The following MYO1H variants were observed in gnomAD, a reference collection of about 807,000 sequenced individuals.
MYO1H encodes unconventional myosin-Ih.
Under a neutral mutation model 149.3 loss-of-function variants are expected in MYO1H, and 118 were observed. The ratio of observed to expected loss-of-function variants is 0.79; its 90% CI spans 0.68 to 0.92. The LOEUF (loss-of-function observed/expected upper bound fraction) is 0.92, where lower values mean the gene tolerates loss of function less well. MYO1H is among the 40% of genes least tolerant of loss of function. The pLI, the probability that MYO1H is intolerant of heterozygous loss-of-function variation, is 0.00. For synonymous variants in MYO1H, 447 were observed against 465.2 expected, an observed-to-expected ratio of 0.96 and a Z score of 0.50; for missense variants, 1,212 against 1,280.7, an observed-to-expected ratio of 0.95 and a Z score of 0.82.
At chr12:109,328,155 TGC>T in the MYO1H span, among the ~76,000 whole-genome samples, 61 of 148,916 alleles carry the variant, frequency 4.1e-4, no homozygotes, top group African/African-American at 1.4e-3. Flanking sequence ...TATATATATA[TGC>T]GTGTGTGTGT....
At chr12:109,318,530 G>A in the MYO1H span, among the ~76,000 whole-genome samples, 2 of 152,146 alleles carry the variant, frequency 1.3e-5, no homozygotes, top group Admixed American at 6.6e-5. Context: ...TGGCTCTCAT[G>A]CTTCCCCAAT....
chr12:109,421,000 T>C (rs1430350148), exon 16 of MYO1H: 3 of 1,588,442 alleles, frequency 1.9e-6, no homozygotes, highest in East Asian at 4.5e-5. Context: ...AAAAAAACAA[T>C]GATCTTCTTT....
At position 109,393,452 on chromosome 12, in the gene MYO1H, T is replaced by C. The variant is rs757426534; in HGVS notation, c.290+6T>C. On this transcript the variant is annotated splice_donor_region_variant and intron_variant, in intron 3 of 31. Coordinates refer to ENST00000310903, the Ensembl canonical transcript of MYO1H. ...TTTGAACTGCCACCACATGTGTAAG[T>C]AGCATCCACAGGATCATCACTAGGA... 5 of 1,549,634 alleles carry C rather than the reference T, an allele frequency of 3.2e-6. No homozygotes were observed. The highest frequency in any genetic ancestry group is 4.4e-6 in the Non-Finnish European group (5 of 1,137,310).
chr12:109,362,595 G>A (rs1221408961), intron 1 of MYO1H, among the ~76,000 whole-genome samples: 1 of 152,238 alleles, frequency 6.6e-6, no homozygotes, highest in Non-Finnish European at 1.5e-5. Flanking sequence ...GGACAGTCAT[G>A]CAGAAGTAGG....
intron 1 of MYO1H, among the ~76,000 whole-genome samples, chr12:109,371,213 C>CTTTTTTTTTTTTT (rs34350111): frequency 4.1e-4 from 49 of 118,284 alleles, no homozygotes; most frequent in Non-Finnish European, 5.3e-4. Flanking sequence ...TTTTTTCTTT[C>CTTTTTTTTTTTTT]TTTTTTTTTT....
At chr12:109,321,030 G>A in the MYO1H span, among the ~76,000 whole-genome samples, 12,528 of 152,024 alleles carry the variant, frequency 0.082, 660 homozygotes, top group African/African-American at 0.14. Context: ...AGAGGTTGCA[G>A]TGAGCCAAGA....
At chr12:109,423,351 G>A (rs7966238) in intron 16 of MYO1H, among the ~76,000 whole-genome samples, 17,131 of 151,936 alleles carry the variant, frequency 0.11, 1,479 homozygotes, top group African/African-American at 0.23. Context: ...TAGTAGAGAC[G>A]GTGTTTCACC....
In MYO1H at chr12:109,447,147, ACT is replaced by A. The variant is rs1180275056; in HGVS notation, c.3094-6_3094-5del. 1.9e-6 allele frequency: 3 copies of A among 1,595,750 alleles called. No homozygotes were observed. Among genetic ancestry groups the A allele is most frequent in the African/African-American group, 1.3e-5 (1 of 74,518 alleles). On this transcript the variant is annotated splice_polypyrimidine_tract_variant and intron_variant, in intron 31 of 31. Coordinates refer to ENST00000310903, the Ensembl canonical transcript of MYO1H. The stretch of plus-strand genomic sequence containing the variant: ...GGGAAGGGCTGTAAACCGAAGTGTG[ACT>A]CTCTCCCAGGTGTCAGTCCGGAGGA...
chr12:109,441,073 T>C (rs1872106426), intron 25 of MYO1H, among the ~76,000 whole-genome samples: 1 of 152,210 alleles, frequency 6.6e-6, no homozygotes, highest in Non-Finnish European at 1.5e-5. Context: ...CTGCCATCCA[T>C]CCACCGGAGC....
intron 7 of MYO1H, 35 bp downstream of exon 7, chr12:109,404,115 C>T (rs1028654853): frequency 2.0e-6 from 3 of 1,478,820 alleles, no homozygotes; most frequent in Non-Finnish European, 2.8e-6. Flanking sequence ...ATAGTTCCCC[C>T]TGGGACTGAG....
intron 6 of MYO1H, among the ~76,000 whole-genome samples, chr12:109,402,728 T>C (rs1870218286): frequency 1.3e-5 from 2 of 152,150 alleles, no homozygotes; most frequent in South Asian, 4.1e-4. Context: ...TCAAATGTGA[T>C]GTTTTTTTCT....
At chr12:109,374,013 TG>T (rs529861592) in intron 1 of MYO1H, among the ~76,000 whole-genome samples, 20 of 152,204 alleles carry the variant, frequency 1.3e-4, no homozygotes, top group Non-Finnish European at 2.5e-4. Context: ...TGCTTAATTT[TG>T]CTTATTTGGG....
At chr12:109,433,634 C>T (rs1289670669) in intron 20 of MYO1H, among the ~76,000 whole-genome samples, 1 of 152,192 alleles carries the variant, frequency 6.6e-6, no homozygotes, top group Non-Finnish European at 1.5e-5. Flanking sequence ...TGCCTGTGAT[C>T]CTGTTCATGG....
intron 1 of MYO1H, among the ~76,000 whole-genome samples, chr12:109,382,889 GAT>G (rs531123745): frequency 2.7e-5 from 4 of 147,236 alleles, no homozygotes; most frequent in Admixed American, 2.0e-4. Flanking sequence ...TTAAAATAAT[GAT>G]ATATATAAAT....
At chr12:109,329,958 C>T in the MYO1H span, among the ~76,000 whole-genome samples, 1 of 152,152 alleles carries the variant, frequency 6.6e-6, no homozygotes, top group Non-Finnish European at 1.5e-5. Context: ...GGGGAGGAGG[C>T]AGATGATGAG....
intron 10 of MYO1H, among the ~76,000 whole-genome samples, chr12:109,408,521 A>G (rs756490849): frequency 6.6e-6 from 1 of 152,216 alleles, no homozygotes; most frequent in Non-Finnish European, 1.5e-5. Flanking sequence ...AAATTTCAAC[A>G]GAAGCATATT....
intron 1 of MYO1H, among the ~76,000 whole-genome samples, chr12:109,357,562 G>T (rs2137001528): frequency 6.6e-6 from 1 of 152,284 alleles, no homozygotes; most frequent in South Asian, 2.1e-4. Context: ...ACATAAATGT[G>T]TCTGTGTTCC....
intron 1 of MYO1H, among the ~76,000 whole-genome samples, chr12:109,352,698 A>G (rs998104731): frequency 6.6e-6 from 1 of 152,128 alleles, no homozygotes; most frequent in Non-Finnish European, 1.5e-5. Flanking sequence ...ACTTATGCTT[A>G]TTTTTCATCT....
intron 1 of MYO1H, among the ~76,000 whole-genome samples, chr12:109,363,967 A>T (rs987486245): frequency 6.6e-6 from 1 of 152,002 alleles, no homozygotes; most frequent in African/African-American, 2.4e-5. Flanking sequence ...TGGGAGGCTG[A>T]GGTGGGTGGA....
Sources: gnomAD v4.1 joint callset for allele counts (sites outside exome capture counted in the v4.1 genomes callset) on GRCh38, gnomAD v4.1.1 for gene constraint, MANE v1.5 for transcripts, NCBI Gene and HGNC (gene_info 2026-07-23, HGNC 2026-07-21) for gene names.